SLC24A2: variants seen among roughly 807,000 people sequenced by gnomAD.
SLC24A2 encodes solute carrier family 24 member 2.
In SLC24A2, 36 loss-of-function variants were observed where a neutral mutation model predicts 62.0. The ratio of observed to expected loss-of-function variants is 0.58; its 90% confidence interval spans 0.44 to 0.77. The LOEUF is 0.77. SLC24A2 is among the 30% of genes least tolerant of loss of function. SLC24A2 has a pLI of 0.00. For synonymous variants in SLC24A2, 358 were observed against 294.0 expected (o/e 1.22, Z -2.23); for missense variants, 846 against 817.9 (o/e 1.03, Z -0.42).
At chr9:19,973,500 G>C in the SLC24A2 span, among the ~76,000 whole-genome samples, 1 of 152,204 alleles carries the variant, frequency 6.6e-6, no homozygotes, top group Admixed American at 6.5e-5. Flanking sequence ...GTAGTAGATA[G>C]ACGTGGGCGT....
the SLC24A2 span, among the ~76,000 whole-genome samples, chr9:19,831,744 C>A: frequency 6.6e-5 from 10 of 152,190 alleles, no homozygotes; most frequent in African/African-American, 1.9e-4. Context: ...CAAGCCTTCA[C>A]CATGCCAAAT....
At chr9:20,004,560 C>T in the SLC24A2 span, among the ~76,000 whole-genome samples, 1 of 152,126 alleles carries the variant, frequency 6.6e-6, no homozygotes, top group South Asian at 2.1e-4. Flanking sequence ...TTTTATTGAA[C>T]AATGGGATGA....
chr9:20,122,579 T>C, the SLC24A2 span, among the ~76,000 whole-genome samples: 2 of 152,022 alleles, frequency 1.3e-5, no homozygotes, highest in Non-Finnish European at 2.9e-5. Flanking sequence ...TCCCAGCTAC[T>C]TGAAGCTGAG....
At chr9:19,962,725 C>T in the SLC24A2 span, among the ~76,000 whole-genome samples, 3 of 152,212 alleles carry the variant, frequency 2.0e-5, no homozygotes, top group African/African-American at 7.2e-5. Flanking sequence ...TGAGACTTTG[C>T]TGAAGCTGCT....
intron 8 of SLC24A2, among the ~76,000 whole-genome samples, chr9:19,529,564 G>A (rs1469665742): frequency 6.6e-6 from 1 of 152,088 alleles, no homozygotes; most frequent in African/African-American, 2.4e-5. Context: ...TAAATCGGGG[G>A]AGGGCATCAG....
At chr9:19,910,572 A>T in the SLC24A2 span, among the ~76,000 whole-genome samples, 1 of 151,744 alleles carries the variant, frequency 6.6e-6, no homozygotes, top group Non-Finnish European at 1.5e-5. Flanking sequence ...AGCCTCACTA[A>T]CTCCCTGTAC....
the SLC24A2 span, among the ~76,000 whole-genome samples, chr9:20,192,117 A>G: frequency 1.1e-4 from 17 of 152,226 alleles, no homozygotes; most frequent in Non-Finnish European, 2.1e-4. Context: ...TTGGAATTCC[A>G]GCTGCTAGAA....
At chr9:19,579,792 C>A (rs978365378) in intron 5 of SLC24A2, among the ~76,000 whole-genome samples, 1 of 152,094 alleles carries the variant, frequency 6.6e-6, no homozygotes, top group South Asian at 2.1e-4. Flanking sequence ...TTATAAGAAT[C>A]TTTTCAGAGT....
intron 4 of SLC24A2, among the ~76,000 whole-genome samples, chr9:19,616,075 T>C (rs1817761249): frequency 1.3e-5 from 2 of 150,746 alleles, no homozygotes; most frequent in Admixed American, 1.3e-4. Context: ...AGGAGCTTCA[T>C]GAAACTGGAA....
chr9:19,855,038 A>C, the SLC24A2 span, among the ~76,000 whole-genome samples: 4 of 152,158 alleles, frequency 2.6e-5, no homozygotes, highest in Admixed American at 6.5e-5. Context: ...CTTTACCATT[A>C]TGTAATGCCC....
the SLC24A2 span, among the ~76,000 whole-genome samples, chr9:19,939,928 A>T: frequency 1.3e-5 from 2 of 152,240 alleles, no homozygotes; most frequent in Admixed American, 6.5e-5. Flanking sequence ...CAACTCACAC[A>T]GTGTGTTTTG....
At chr9:19,721,552 A>G (rs1447036962) in intron 2 of SLC24A2, among the ~76,000 whole-genome samples, 1 of 152,114 alleles carries the variant, frequency 6.6e-6, no homozygotes, top group Non-Finnish European at 1.5e-5. Flanking sequence ...GAGATGATAA[A>G]TCTGATAAAA....
chr9:20,142,001 G>A, the SLC24A2 span, among the ~76,000 whole-genome samples: 1 of 152,000 alleles, frequency 6.6e-6, no homozygotes, highest in Non-Finnish European at 1.5e-5. Flanking sequence ...GAGAACTATT[G>A]GAACCTGGGA....
At chr9:19,618,808 T>C (rs1464269310) in intron 4 of SLC24A2, among the ~76,000 whole-genome samples, 3 of 152,206 alleles carry the variant, frequency 2.0e-5, no homozygotes, top group Non-Finnish European at 4.4e-5. Flanking sequence ...AGAACATACT[T>C]GGTTATATTT....
chr9:19,857,956 C>T, the SLC24A2 span, among the ~76,000 whole-genome samples: 2 of 152,020 alleles, frequency 1.3e-5, no homozygotes, highest in Non-Finnish European at 2.9e-5. Flanking sequence ...CAATGCTATT[C>T]CTATCAAACT....
the SLC24A2 span, among the ~76,000 whole-genome samples, chr9:20,087,762 G>C: frequency 2.0e-5 from 3 of 152,178 alleles, no homozygotes; most frequent in East Asian, 1.9e-4. Flanking sequence ...GAGTGAGTAA[G>C]TACAACACCT....
chr9:20,176,050 G>A, the SLC24A2 span, among the ~76,000 whole-genome samples: 1 of 152,020 alleles, frequency 6.6e-6, no homozygotes, highest in Non-Finnish European at 1.5e-5. Context: ...GAGAGGTACT[G>A]ACCAGTCTCA....
At chr9:19,562,591 C>T (rs529624905) in intron 7 of SLC24A2, among the ~76,000 whole-genome samples, 4 of 152,120 alleles carry the variant, frequency 2.6e-5, no homozygotes, top group Admixed American at 2.6e-4. Flanking sequence ...TTCAGGTCAT[C>T]ACATACAGGA....
At chr9:20,202,249 A>C in the SLC24A2 span, among the ~76,000 whole-genome samples, 4 of 152,208 alleles carry the variant, frequency 2.6e-5, no homozygotes, top group Non-Finnish European at 5.9e-5. Flanking sequence ...CACGCCAGAG[A>C]AAGAAAGGAA....
Sources: gnomAD v4.1 joint callset for allele counts (sites outside exome capture counted in the v4.1 genomes callset) on GRCh38, gnomAD v4.1.1 for gene constraint, MANE v1.5 for transcripts, NCBI Gene and HGNC (gene_info 2026-07-23, HGNC 2026-07-21) for gene names.